The following RCL1 variants were observed in gnomAD, a reference collection of about 807,000 sequenced individuals.
The protein encoded by RCL1 is RNA 3'-terminal phosphate cyclase-like protein.
Under a neutral mutation model 42.4 loss-of-function variants are expected in RCL1, and 24 were observed. That is an observed-to-expected ratio of 0.57 (90% confidence interval 0.41 to 0.80). The LOEUF is 0.80. RCL1 is among the 30% of genes least tolerant of loss of function. The pLI is 0.00. For missense variants in RCL1, 578 were observed against 467.9 expected (o/e 1.24, Z -2.17); for synonymous variants, 228 against 177.3 (o/e 1.29, Z -2.27).
chr9:4,855,061 A>AC (rs201353741), intron 8 of RCL1, among the ~76,000 whole-genome samples: 8,285 of 146,276 alleles, frequency 0.057, 453 homozygotes, highest in African/African-American at 0.14. Context: ...TCAAAAAAAA[A>AC]AAAAAAAAAA....
intron 1 of RCL1, among the ~76,000 whole-genome samples, chr9:4,801,417 C>T (rs1425889787): frequency 6.6e-6 from 1 of 152,200 alleles, no homozygotes; most frequent in East Asian, 1.9e-4. Flanking sequence ...AGCCATCTTT[C>T]TGCCTCACCT....
intron 6 of RCL1, among the ~76,000 whole-genome samples, chr9:4,842,258 A>G (rs565448355): frequency 3.7e-4 from 57 of 152,326 alleles, no homozygotes; most frequent in African/African-American, 1.3e-3. Flanking sequence ...TAAGAAGTCA[A>G]CTTCTTCTTA....
At chr9:4,817,310 T>A (rs1421874274) in intron 1 of RCL1, among the ~76,000 whole-genome samples, 1 of 152,072 alleles carries the variant, frequency 6.6e-6, no homozygotes, top group East Asian at 1.9e-4. Flanking sequence ...TATTGGTAAC[T>A]AATGGAGAAT....
At chr9:4,855,282 TG>T (rs1438527838) in intron 8 of RCL1, among the ~76,000 whole-genome samples, 15 of 152,000 alleles carry the variant, frequency 9.9e-5, no homozygotes, top group African/African-American at 3.4e-4. Context: ...CTGCCTAGAA[TG>T]GTTCTTCTGA....
chr9:4,858,861 T>G (rs114339861), intron 8 of RCL1, among the ~76,000 whole-genome samples: 3 of 152,206 alleles, frequency 2.0e-5, no homozygotes, highest in African/African-American at 7.2e-5. Flanking sequence ...CATTCTTCAC[T>G]AAGCCAGTAT....
At chr9:4,845,338 A>C (rs1401473288) in intron 7 of RCL1, among the ~76,000 whole-genome samples, 1 of 152,254 alleles carries the variant, frequency 6.6e-6, no homozygotes, top group East Asian at 1.9e-4. Context: ...AGACTCAACC[A>C]GTTGTCATTT....
At chr9:4,827,243 C>A in intron 3 of RCL1, 2 of 1,487,566 alleles carry the variant, frequency 1.3e-6, no homozygotes, top group East Asian at 4.9e-5. Context: ...TTAACAGTTA[C>A]CAAGGTGCCT....
intron 2 of RCL1, among the ~76,000 whole-genome samples, chr9:4,826,209 G>C (rs1049102094): frequency 1.3e-5 from 2 of 152,130 alleles, no homozygotes; most frequent in Non-Finnish European, 1.5e-5. Context: ...TCATGCCGCT[G>C]TACTCCAGCT....
intron 8 of RCL1, among the ~76,000 whole-genome samples, chr9:4,859,737 G>T (rs1327577746): frequency 6.6e-6 from 1 of 152,172 alleles, no homozygotes; most frequent in East Asian, 1.9e-4. Context: ...GGCTGAGGTG[G>T]AGGATTGCTT....
intron 1 of RCL1, among the ~76,000 whole-genome samples, chr9:4,817,458 A>ATT (rs934931225): frequency 8.3e-5 from 11 of 132,660 alleles, no homozygotes; most frequent in African/African-American, 2.4e-4. Context: ...AATTAGCTTG[A>ATT]TTTTTTTTTA....
At chr9:4,844,457 C>T in intron 6 of RCL1, 68 bp from the exon 7 acceptor site, 2 of 1,215,656 alleles carry the variant, frequency 1.6e-6, no homozygotes, top group South Asian at 3.0e-5. Context: ...TCTTCTCTTT[C>T]CGTTTGCTGG....
intron 5 of RCL1, 26 bp downstream of exon 5, chr9:4,834,291 CTTT>C (rs141431065): frequency 1.5e-5 from 22 of 1,433,744 alleles, no homozygotes; most frequent in Admixed American, 5.7e-5. Context: ...ATTTGGATTT[CTTT>C]TTTTTTTGTT....
chr9:4,824,575 C>A (rs1358091222), intron 2 of RCL1, among the ~76,000 whole-genome samples: 1 of 152,078 alleles, frequency 6.6e-6, no homozygotes, highest in Non-Finnish European at 1.5e-5. Flanking sequence ...AAACTTGTGT[C>A]TACATTGTAT....
intron 1 of RCL1, among the ~76,000 whole-genome samples, chr9:4,800,526 T>C (rs554665539): frequency 2.0e-5 from 3 of 148,308 alleles, no homozygotes; most frequent in Non-Finnish European, 4.4e-5. Context: ...GGTTTTTTTA[T>C]TTTTTTATGT....
At chr9:4,798,105 G>A (rs1029800908) in intron 1 of RCL1, among the ~76,000 whole-genome samples, 1 of 152,202 alleles carries the variant, frequency 6.6e-6, no homozygotes, top group Non-Finnish European at 1.5e-5. Context: ...GAGGGACAGA[G>A]CTGGAAAGAG....
At chr9:4,812,452 C>A (rs115549106) in intron 1 of RCL1, among the ~76,000 whole-genome samples, 1 of 151,892 alleles carries the variant, frequency 6.6e-6, no homozygotes, top group South Asian at 2.1e-4. Flanking sequence ...GAAATAGAGA[C>A]GAGGTTTCAC....
chr9:4,827,761 C>CGTGTGTGTGTGTGT (rs59604765), intron 3 of RCL1, among the ~76,000 whole-genome samples: 1 of 147,558 alleles, frequency 6.8e-6, no homozygotes, highest in Non-Finnish European at 1.5e-5. Context: ...TGTGTGCACG[C>CGTGTGTGTGTGTGT]GTGTGTGTGT....
At chr9:4,835,443 C>T (rs977061732) in intron 5 of RCL1, among the ~76,000 whole-genome samples, 17 of 152,204 alleles carry the variant, frequency 1.1e-4, no homozygotes, top group South Asian at 4.2e-4. Flanking sequence ...TGCTGGATCC[C>T]TATCCCAAGG....
intron 1 of RCL1, 68 bp downstream of exon 1, chr9:4,793,295 G>A: frequency 6.7e-7 from 1 of 1,501,962 alleles, no homozygotes; most frequent in Non-Finnish European, 8.9e-7. Context: ...GATGCCGTGG[G>A]GGCCCGCGCG....
Sources: gnomAD v4.1 joint callset for allele counts (sites outside exome capture counted in the v4.1 genomes callset) on GRCh38, gnomAD v4.1.1 for gene constraint, MANE v1.5 for transcripts, NCBI Gene and HGNC (gene_info 2026-07-23, HGNC 2026-07-21) for gene names.